Variants in NKAIN2 observed in about 807,000 individuals in gnomAD.
The protein encoded by NKAIN2 is sodium/potassium-transporting ATPase subunit beta-1-interacting protein 2.
In NKAIN2, 14 loss-of-function variants were observed where a neutral mutation model predicts 32.6. The ratio of observed to expected loss-of-function variants is 0.43; its 90% CI spans 0.28 to 0.67. NKAIN2 has a LOEUF of 0.67. NKAIN2 is among the 30% of genes least tolerant of loss of function. The probability of loss-of-function intolerance (pLI) is 0.17; values close to 1 mark genes in which losing one functional copy is unlikely to be tolerated. For synonymous variants in NKAIN2, 80 were observed against 87.2 expected (o/e 0.92, Z 0.46); for missense variants, 198 against 258.3 (o/e 0.77, Z 1.60).
intron 2 of NKAIN2, among the ~76,000 whole-genome samples, chr6:124,344,228 A>T (rs1253909033): frequency 6.6e-6 from 1 of 152,116 alleles, no homozygotes; most frequent in Non-Finnish European, 1.5e-5. Context: ...TGTTTTGGTT[A>T]CTGTAGCCTT....
At chr6:124,484,359 T>G (rs533245751) in intron 3 of NKAIN2, among the ~76,000 whole-genome samples, 18 of 152,318 alleles carry the variant, frequency 1.2e-4, no homozygotes, top group Admixed American at 2.6e-4. Flanking sequence ...GCTTCTTTGT[T>G]TCTACGCCAA....
chr6:123,948,597 A>ATTTTTTT (rs71021472), intron 1 of NKAIN2, among the ~76,000 whole-genome samples: 97 of 49,314 alleles, frequency 2.0e-3, no homozygotes, highest in Non-Finnish European at 2.9e-3. Flanking sequence ...CTTAAATGGG[A>ATTTTTTT]TTTTTTTTTT....
chr6:124,450,859 A>G (rs1022586368), intron 3 of NKAIN2, among the ~76,000 whole-genome samples: 2 of 151,988 alleles, frequency 1.3e-5, no homozygotes, highest in South Asian at 2.1e-4. Context: ...AAAAATTTGA[A>G]CTCCACTATT....
At chr6:124,569,740 C>T (rs1352055000) in intron 3 of NKAIN2, among the ~76,000 whole-genome samples, 2 of 152,144 alleles carry the variant, frequency 1.3e-5, no homozygotes, top group African/African-American at 4.8e-5. Flanking sequence ...TTCCCAGTAT[C>T]AGGTATGTCT....
chr6:124,574,168 C>T (rs892930915), intron 3 of NKAIN2, among the ~76,000 whole-genome samples: 1 of 152,138 alleles, frequency 6.6e-6, no homozygotes. Context: ...CTGGAGAGCC[C>T]TTTGGAAGAG....
At chr6:124,806,844 C>T (rs993779082) in intron 5 of NKAIN2, among the ~76,000 whole-genome samples, 6 of 151,854 alleles carry the variant, frequency 4.0e-5, no homozygotes, top group East Asian at 1.9e-4. Context: ...CAATCCTAGT[C>T]TCTGATAAAA....
intron 2 of NKAIN2, among the ~76,000 whole-genome samples, chr6:124,307,187 G>A (rs1052980675): frequency 6.6e-6 from 1 of 152,062 alleles, no homozygotes; most frequent in Non-Finnish European, 1.5e-5. Flanking sequence ...AATTATATAT[G>A]GGATAGGCTA....
In NKAIN2 at chr6:124,050,901, G is replaced by A. The variant is rs148901716; in HGVS notation, c.55-232104G>A. Reference sequence around the variant, plus strand: ...CAATGAGTGATTTGGGAATTTGGCAGATGATTAAGATCTTCAAATGCTTAT... The same window carrying A: ...CAATGAGTGATTTGGGAATTTGGCAAATGATTAAGATCTTCAAATGCTTAT... On this transcript the variant is annotated intron_variant, in intron 1 of 6. Coordinates refer to ENST00000368417, the MANE Select transcript of NKAIN2 (RefSeq NM_001040214.3). Among the ~76,000 whole-genome samples, 888 of 152,150 alleles carry A rather than the reference G, an allele frequency of 5.8e-3. 4 individuals carry two copies. The highest frequency in any genetic ancestry group is 0.02 in the Middle Eastern group (6 of 294).
intron 3 of NKAIN2, among the ~76,000 whole-genome samples, chr6:124,438,564 T>G (rs1381242080): frequency 6.6e-6 from 1 of 152,164 alleles, no homozygotes; most frequent in Non-Finnish European, 1.5e-5. Flanking sequence ...ACTCAGGGCT[T>G]ACTACCTTTC....
chr6:124,290,040 AAGGG>A (rs1394070185), intron 2 of NKAIN2, among the ~76,000 whole-genome samples: 2 of 142,510 alleles, frequency 1.4e-5, no homozygotes, highest in Admixed American at 6.9e-5. Context: ...ATAAGCCTGG[AAGGG>A]AGGGAGAAAA....
intron 1 of NKAIN2, among the ~76,000 whole-genome samples, chr6:123,874,708 A>G (rs1308950583): frequency 6.6e-6 from 1 of 152,174 alleles, no homozygotes; most frequent in Non-Finnish European, 1.5e-5. Flanking sequence ...ATAAAAATTG[A>G]ATTGGCCTAT....
At chr6:124,590,463 A>G (rs1781869573) in intron 3 of NKAIN2, among the ~76,000 whole-genome samples, 1 of 147,634 alleles carries the variant, frequency 6.8e-6, no homozygotes, top group African/African-American at 2.5e-5. Context: ...AGCTGACTTT[A>G]TCAGGAAACA....
At chr6:123,901,049 G>C (rs1008741) in intron 1 of NKAIN2, among the ~76,000 whole-genome samples, 23,705 of 151,968 alleles carry the variant, frequency 0.16, 1,995 homozygotes, top group Non-Finnish European at 0.18. Flanking sequence ...CATGTCTTTA[G>C]CCTATTGCAT....
At chr6:124,557,421 A>C (rs1780517535) in intron 3 of NKAIN2, among the ~76,000 whole-genome samples, 1 of 152,174 alleles carries the variant, frequency 6.6e-6, no homozygotes, top group Admixed American at 6.5e-5. Flanking sequence ...CTTTCAAGGT[A>C]ATCCTACTTT....
chr6:123,938,779 C>A (rs1776683214), intron 1 of NKAIN2, among the ~76,000 whole-genome samples: 1 of 151,082 alleles, frequency 6.6e-6, no homozygotes, highest in South Asian at 2.1e-4. Flanking sequence ...CTTAACCTAG[C>A]CAGACTCTGT....
chr6:124,012,474 T>C (rs920407356), intron 1 of NKAIN2, among the ~76,000 whole-genome samples: 24 of 151,910 alleles, frequency 1.6e-4, no homozygotes, highest in African/African-American at 5.6e-4. Context: ...TAGCTGGGAC[T>C]ACAGGCGCCT....
chr6:124,190,133 C>T (rs779364611), intron 1 of NKAIN2, among the ~76,000 whole-genome samples: 5 of 152,196 alleles, frequency 3.3e-5, no homozygotes, highest in African/African-American at 4.8e-5. Flanking sequence ...CAGGGTTACA[C>T]GTATGGTGGC....
At chr6:124,259,262 G>T (rs1228276949) in intron 1 of NKAIN2, among the ~76,000 whole-genome samples, 2 of 152,278 alleles carry the variant, frequency 1.3e-5, no homozygotes, top group East Asian at 3.9e-4. Context: ...GGTGGGGAAA[G>T]AATACAAGTA....
At chr6:123,807,121 A>G (rs770572279) in intron 1 of NKAIN2, among the ~76,000 whole-genome samples, 1 of 152,078 alleles carries the variant, frequency 6.6e-6, no homozygotes, top group Non-Finnish European at 1.5e-5. Context: ...ATTTAATTTA[A>G]TGTTTGGCAG....
Sources: allele counts gnomAD v4.1 joint callset (sites outside exome capture counted in the v4.1 genomes callset), GRCh38; gene constraint gnomAD v4.1.1; transcripts MANE v1.5; gene names NCBI Gene and HGNC (gene_info 2026-07-23, HGNC 2026-07-21).